LAMA2: variants seen among roughly 807,000 people sequenced by gnomAD.
LAMA2 encodes the protein laminin subunit alpha-2.
In LAMA2, 269 loss-of-function variants were observed where a neutral mutation model predicts 364.8. That is an observed-to-expected ratio of 0.74 (90% confidence interval 0.67 to 0.82). LAMA2 has a LOEUF of 0.82. Among genes scored for constraint, LAMA2 ranks in the 40% least tolerant of loss-of-function variants. The pLI is 0.00. For synonymous variants in LAMA2, 1,379 were observed against 1,370.6 expected (o/e 1.01, Z -0.14); for missense variants, 3,807 against 3,873.2 (o/e 0.98, Z 0.45).
chr6:129,106,878 AT>A (rs200413891), intron 4 of LAMA2, among the ~76,000 whole-genome samples: 337 of 138,348 alleles, frequency 2.4e-3, no homozygotes, highest in African/African-American at 9.3e-3. Flanking sequence ...AAAAAAAAAT[AT>A]ATATATATAT....
intron 1 of LAMA2, among the ~76,000 whole-genome samples, chr6:128,973,193 A>T (rs1408851189): frequency 6.6e-6 from 1 of 152,222 alleles, no homozygotes; most frequent in Admixed American, 6.5e-5. Context: ...AAGATGCTGC[A>T]GACCTCTTAA....
intron 45 of LAMA2, among the ~76,000 whole-genome samples, chr6:129,448,025 A>T (rs62421014): frequency 3.3e-5 from 5 of 152,034 alleles, no homozygotes; most frequent in Admixed American, 1.3e-4. Flanking sequence ...TGGTGGCTCA[A>T]GCCTGTCATC....
chr6:129,268,021 T>G (rs1322664100), intron 16 of LAMA2, among the ~76,000 whole-genome samples: 5 of 152,122 alleles, frequency 3.3e-5, no homozygotes, highest in Admixed American at 3.3e-4. Flanking sequence ...CCCTGAAGAA[T>G]TTAAGGCGGA....
chr6:129,050,207 T>C (rs1787901885), intron 2 of LAMA2, 119 bp downstream of exon 2: 11 of 1,022,838 alleles, frequency 1.1e-5, no homozygotes, highest in Non-Finnish European at 3.0e-6. Flanking sequence ...GAATTCTTTT[T>C]ACCATTAAGA....
chr6:129,426,137 T>C (rs1282974620), intron 40 of LAMA2, among the ~76,000 whole-genome samples: 3 of 152,144 alleles, frequency 2.0e-5, no homozygotes, highest in Middle Eastern at 3.2e-3. Flanking sequence ...ACTTTACCTC[T>C]ATACATTTTA....
At chr6:128,956,386 G>A (rs185346432) in intron 1 of LAMA2, among the ~76,000 whole-genome samples, 126 of 152,036 alleles carry the variant, frequency 8.3e-4, no homozygotes, top group African/African-American at 2.9e-3. Context: ...TCAAGAAGCC[G>A]TGAGATAATG....
rs535655435 is a variant in LAMA2 at position 128,982,401 on chromosome 6, C to A, written c.113-67517C>A. On this transcript the variant is annotated intron_variant, in intron 1 of 64. Transcript: ENST00000421865. ...ATTTTAGAAATGGTTTCCTACCTTT[C>A]TTAACCTACGACTTCTGACAATTTT... Among the ~76,000 whole-genome samples the A allele has an allele frequency of 7.9e-5, 12 of 152,218 alleles. No individual in the cohort carries two copies. In the South Asian group the frequency reaches 2.5e-3, roughly 32 times the overall value.
rs762740616 is a variant in LAMA2, at chr6:129,270,617, T to C, written c.2323-7T>C. The C allele has an allele frequency of 1.9e-5, 31 of 1,612,844 alleles. No homozygotes were observed. Among genetic ancestry groups the C allele is most frequent in the Non-Finnish European group, 2.5e-5 (30 of 1,179,192 alleles). On this transcript the variant is annotated splice_polypyrimidine_tract_variant and splice_region_variant and intron_variant, in intron 16 of 64. Transcript: ENST00000421865. ...ATAATAAACTCTGATGCTCATTTCT[T>C]TCTCAGAACTGTAAGGATCACACAG...
In LAMA2 at chr6:129,335,099, T is replaced by C. The variant is rs867120453; in HGVS notation, c.4311+6687T>C. Among the ~76,000 whole-genome samples the C allele has an allele frequency of 3.9e-5, 6 of 152,286 alleles. 1 individual carries two copies. The Middle Eastern group carries it at 0.01, about 259-fold the overall frequency. On this transcript the variant is annotated intron_variant, in intron 29 of 64. Coordinates refer to ENST00000421865, the MANE Select transcript of LAMA2 (RefSeq NM_000426.4). ...ACTGTAGAAAGCTTTATAGACTAAA[T>C]ATTTTAAAGAAACCCAGATCACCTT...
At chr6:129,376,694 A>G (rs1005658407) in intron 34 of LAMA2, among the ~76,000 whole-genome samples, 1 of 152,062 alleles carries the variant, frequency 6.6e-6, no homozygotes, top group Non-Finnish European at 1.5e-5. Flanking sequence ...CTCTCCCTAC[A>G]TTTTGTTAAT....
In LAMA2 at chr6:129,270,734, C is replaced by T. The variant is rs760366191; in HGVS notation, c.2433C>T (p.Leu811=). ...SEDCQPCACP[L]NIPSNNFSPT... ...ACTGTCAACCCTGTGCCTGTCCACT[C>T]AATATCCCATCCAATAAGTAAGTAA... The change falls in exon 17 of 65, where the codon CTC becomes CTT. Residue 811 remains leucine, a synonymous_variant. Transcript: ENST00000421865. The T allele has an allele frequency of 4.3e-6, 7 of 1,613,138 alleles. No homozygotes were observed. Among genetic ancestry groups the T allele is most frequent in the Non-Finnish European group, 5.9e-6 (7 of 1,179,438 alleles).
At chr6:129,078,966 CAG>C (rs1264571331) in intron 3 of LAMA2, among the ~76,000 whole-genome samples, 1 of 152,158 alleles carries the variant, frequency 6.6e-6, no homozygotes, top group African/African-American at 2.4e-5. Flanking sequence ...TAGCATATAT[CAG>C]AGTTTCCTTC....
chr6:129,042,806 C>T (rs992290723), intron 1 of LAMA2, among the ~76,000 whole-genome samples: 1 of 151,998 alleles, frequency 6.6e-6, no homozygotes, highest in African/African-American at 2.4e-5. Flanking sequence ...TGGCATAATC[C>T]TTTTTGGAGT....
chr6:129,210,003 C>CAAAAAAAATAAAAA (rs1782984515), intron 12 of LAMA2, among the ~76,000 whole-genome samples: 1 of 67,646 alleles, frequency 1.5e-5, no homozygotes, highest in Non-Finnish European at 3.0e-5. Context: ...GACTCCATCT[C>CAAAAAAAATAAAAA]AAAAAAAAAA....
intron 12 of LAMA2, among the ~76,000 whole-genome samples, chr6:129,194,390 ACAAT>A (rs1198453420): frequency 1.3e-5 from 2 of 152,078 alleles, no homozygotes; most frequent in African/African-American, 4.8e-5. Flanking sequence ...CTGTTGGCTG[ACAAT>A]CAAACTGACA....
intron 4 of LAMA2, among the ~76,000 whole-genome samples, chr6:129,114,359 A>T (rs1361753895): frequency 6.6e-6 from 1 of 152,062 alleles, no homozygotes; most frequent in Non-Finnish European, 1.5e-5. Context: ...CAGCTGCAGA[A>T]ATGAGTAAAC....
At chr6:129,344,986 GA>G (rs1216284405) in intron 30 of LAMA2, among the ~76,000 whole-genome samples, 2 of 152,194 alleles carry the variant, frequency 1.3e-5, no homozygotes, top group Non-Finnish European at 2.9e-5. Context: ...CCTAATTTGG[GA>G]TATGGGGAAG....
At chr6:129,180,502 G>C (rs922293005) in intron 10 of LAMA2, among the ~76,000 whole-genome samples, 3 of 151,946 alleles carry the variant, frequency 2.0e-5, no homozygotes, top group African/African-American at 7.3e-5. Context: ...TTACTGAAGT[G>C]TGAAGACATT....
At chr6:129,153,811 C>T (rs1290813811) in intron 7 of LAMA2, among the ~76,000 whole-genome samples, 2 of 152,042 alleles carry the variant, frequency 1.3e-5, no homozygotes, top group Non-Finnish European at 2.9e-5. Context: ...CTTTTCTTTA[C>T]CCACAGGCTC....
Sources: gnomAD v4.1 joint callset for allele counts (sites outside exome capture counted in the v4.1 genomes callset) on GRCh38, gnomAD v4.1.1 for gene constraint, MANE v1.5 for transcripts, NCBI Gene and HGNC (gene_info 2026-07-23, HGNC 2026-07-21) for gene names.